The following FARS2 variants were observed in gnomAD, a reference collection of about 807,000 sequenced individuals.
The protein encoded by FARS2 is phenylalanine--tRNA ligase, mitochondrial.
A neutral mutation model predicts 46.4 loss-of-function variants in FARS2; 40 were observed. The ratio of observed to expected loss-of-function variants is 0.86; its 90% confidence interval spans 0.67 to 1.12. The LOEUF (loss-of-function observed/expected upper bound fraction) is 1.12, where lower values mean the gene tolerates loss of function less well. Among genes scored for constraint, FARS2 ranks in the 50% most tolerant of loss-of-function variants. FARS2 has a pLI of 0.00. For missense variants in FARS2, 513 were observed against 567.9 expected (o/e 0.90, Z 0.98); for synonymous variants, 234 against 214.9 (o/e 1.09, Z -0.78).
At chr6:5,608,782 A>G (rs1178783073) in intron 5 of FARS2, among the ~76,000 whole-genome samples, 3 of 152,188 alleles carry the variant, frequency 2.0e-5, no homozygotes, top group Non-Finnish European at 2.9e-5. Flanking sequence ...CAGGTTGTAT[A>G]TAAACTCCAA....
chr6:5,480,994 C>T (rs551791696), intron 4 of FARS2, among the ~76,000 whole-genome samples: 1 of 152,302 alleles, frequency 6.6e-6, no homozygotes, highest in East Asian at 1.9e-4. Flanking sequence ...AGCCATTTTG[C>T]AAAATTAAAA....
At chr6:5,454,461 C>T (rs944185714) in intron 4 of FARS2, among the ~76,000 whole-genome samples, 1 of 152,026 alleles carries the variant, frequency 6.6e-6, no homozygotes, top group African/African-American at 2.4e-5. Context: ...CCTGCCTCAG[C>T]CTCCCCCCGA....
intron 1 of FARS2, among the ~76,000 whole-genome samples, chr6:5,337,119 T>A (rs540941208): frequency 6.6e-6 from 1 of 151,920 alleles, no homozygotes; most frequent in Non-Finnish European, 1.5e-5. Flanking sequence ...ATGTAATTTA[T>A]TCCTTCTACA....
At chr6:5,758,044 G>A (rs1445189348) in intron 6 of FARS2, among the ~76,000 whole-genome samples, 2 of 152,124 alleles carry the variant, frequency 1.3e-5, no homozygotes, top group African/African-American at 2.4e-5. Flanking sequence ...GGATAGTCAC[G>A]TTCCTCCCTA....
At chr6:5,559,336 C>G (rs1031999303) in intron 5 of FARS2, among the ~76,000 whole-genome samples, 1 of 151,978 alleles carries the variant, frequency 6.6e-6, no homozygotes, top group African/African-American at 2.4e-5. Flanking sequence ...CCGGGGAGGT[C>G]GAGGCTGCAG....
At chr6:5,740,406 C>T (rs1360068691) in intron 6 of FARS2, among the ~76,000 whole-genome samples, 1 of 151,942 alleles carries the variant, frequency 6.6e-6, no homozygotes. Context: ...TAATTTTTAC[C>T]AATGAGGTAA....
At chr6:5,572,859 T>C (rs1582478518) in intron 5 of FARS2, among the ~76,000 whole-genome samples, 1 of 152,220 alleles carries the variant, frequency 6.6e-6, no homozygotes, top group Non-Finnish European at 1.5e-5. Flanking sequence ...TAATAACCAA[T>C]GGACTGGTTC....
chr6:5,762,628 G>A (rs897053418), intron 6 of FARS2, among the ~76,000 whole-genome samples: 5 of 152,232 alleles, frequency 3.3e-5, no homozygotes, highest in Admixed American at 6.5e-5. Flanking sequence ...TGCAAAACAC[G>A]TGTCTCTAAG....
intron 2 of FARS2, among the ~76,000 whole-genome samples, chr6:5,373,644 C>T (rs1365977849): frequency 6.6e-6 from 1 of 152,054 alleles, no homozygotes; most frequent in Non-Finnish European, 1.5e-5. Flanking sequence ...TTTTGTTGAA[C>T]AGTGTGTGTG....
At chr6:5,519,047 A>G (rs1300592811) in intron 4 of FARS2, among the ~76,000 whole-genome samples, 2 of 152,186 alleles carry the variant, frequency 1.3e-5, no homozygotes, top group Non-Finnish European at 2.9e-5. Context: ...AAATATTGAT[A>G]TAATACTTGA....
In FARS2 at chr6:5,343,410, T is replaced by C; in HGVS notation, c.-21-25140T>C. Reference sequence around the variant, plus strand: ...TATTTTTAGTAGAGATAGTGTTTCATCATATTGGTCAGGCTGGTCTGGAAC... The same window carrying C: ...TATTTTTAGTAGAGATAGTGTTTCACCATATTGGTCAGGCTGGTCTGGAAC... On this transcript the variant is annotated intron_variant, in intron 1 of 6. Transcript: ENST00000274680. The surrounding 1 kb of genome is among the most constrained non-coding windows in gnomAD (Gnocchi z 4.5). Among the ~76,000 whole-genome samples the C allele has an allele frequency of 6.6e-6, 1 of 151,986 alleles. No individual in the cohort carries two copies. The highest frequency in any genetic ancestry group is 3.2e-3 in the Middle Eastern group (1 of 316).
In FARS2 at chr6:5,609,206, C is replaced by T. The variant is rs9378973; in HGVS notation, c.1066-3963C>T. 3.0e-5 allele frequency: 35 copies of T among 1,179,732 alleles called. 1 individual carries two copies. The highest frequency in any genetic ancestry group is 8.9e-5 in the African/African-American group (6 of 67,444). 73.1% of individuals were successfully genotyped at this position (1,179,732 alleles called of 1,614,324 possible). ...CTGACACTTCTCTGGCTCTCCTCTCCGGCTAAGCTTTGTTTCCTAATTAAA... is the reference window on the plus strand; with the variant it reads ...CTGACACTTCTCTGGCTCTCCTCTCTGGCTAAGCTTTGTTTCCTAATTAAA... On this transcript the variant is annotated intron_variant, in intron 5 of 6. Transcript: ENST00000274680.
intron 1 of FARS2, among the ~76,000 whole-genome samples, chr6:5,296,129 C>CTTTTTTTTTTTTTTTT (rs70974187): frequency 1.8e-5 from 1 of 55,072 alleles, no homozygotes; most frequent in African/African-American, 8.9e-5. Context: ...TCATTTTGGC[C>CTTTTTTTTTTTTTTTT]TTTTTTTTTT....
chr6:5,337,337 C>A (rs1258181615), intron 1 of FARS2, among the ~76,000 whole-genome samples: 1 of 152,080 alleles, frequency 6.6e-6, no homozygotes, highest in African/African-American at 2.4e-5. Context: ...ATCTTTCAAA[C>A]GAACTTGGGA....
At chr6:5,278,070 C>T (rs2127845757) in intron 1 of FARS2, among the ~76,000 whole-genome samples, 1 of 152,280 alleles carries the variant, frequency 6.6e-6, no homozygotes, top group South Asian at 2.1e-4. Context: ...CATAAAGCAG[C>T]TGACTGTTGA....
intron 6 of FARS2, among the ~76,000 whole-genome samples, chr6:5,657,840 G>A (rs151034188): frequency 3.9e-5 from 6 of 152,264 alleles, no homozygotes; most frequent in Non-Finnish European, 8.8e-5. Context: ...GTGGAGGCTC[G>A]CAGGCAGATT....
intron 1 of FARS2, among the ~76,000 whole-genome samples, chr6:5,300,246 G>A (rs1312901347): frequency 6.6e-6 from 1 of 152,084 alleles, no homozygotes; most frequent in East Asian, 1.9e-4. Context: ...AACCTTTTTT[G>A]ATATAGGTAG....
chr6:5,377,756 C>G (rs1046303447), intron 2 of FARS2, among the ~76,000 whole-genome samples: 1 of 152,076 alleles, frequency 6.6e-6, no homozygotes, highest in African/African-American at 2.4e-5. Flanking sequence ...AAGAGCTCTC[C>G]TCTGTTCTAG....
intron 1 of FARS2, among the ~76,000 whole-genome samples, chr6:5,270,826 A>C (rs988222205): frequency 5.3e-5 from 8 of 151,572 alleles, no homozygotes; most frequent in African/African-American, 1.5e-4. Context: ...TTTAGTACTC[A>C]CCTCTTTCCC....
Sources: gnomAD v4.1 joint callset for allele counts (sites outside exome capture counted in the v4.1 genomes callset) on GRCh38, gnomAD v4.1.1 for gene constraint, Gnocchi (gnomAD v3.1) non-coding constraint, MANE v1.5 for transcripts, NCBI Gene and HGNC (gene_info 2026-07-23, HGNC 2026-07-21) for gene names.